Variants in ZNF232 observed in about 807,000 individuals in gnomAD.
ZNF232 encodes the protein zinc finger and SCAN domain-containing protein 11.
In ZNF232, 25 loss-of-function variants were observed where a neutral mutation model predicts 25.2. That is an observed-to-expected ratio of 0.99 (90% CI 0.72 to 1.39). The LOEUF (loss-of-function observed/expected upper bound fraction) is 1.39. Ranked by LOEUF, ZNF232 falls within the 40% of genes most tolerant of loss-of-function variation. ZNF232 has a pLI of 0.00. For missense variants in ZNF232, 519 were observed against 520.9 expected (o/e 1.00, Z 0.04); for synonymous variants, 193 against 182.9 (o/e 1.06, Z -0.45).
Position 5,109,419 on chromosome 17 carries a change from TCTAAATC to T in ZNF232, c.466_472del (p.Asp156ArgfsTer36). 6.2e-7 allele frequency: 1 copy of T among 1,613,928 alleles called. No individual in the cohort carries two copies. Among genetic ancestry groups the T allele is most frequent in the South Asian group, 1.1e-5 (1 of 91,058 alleles). ...CTGCGGCTCTGGTTCAAGTCCTTTC[TCTAAATC>T]CTCCAGCACAGTCACAGCCTCCTCT... On this transcript the variant is annotated frameshift_variant, in exon 2 of 4. Coordinates refer to ENST00000575898, the Ensembl canonical transcript of ZNF232. LOFTEE classifies it high-confidence loss of function.
chr17:5,107,114 C>T (rs376561742), intron 3 of ZNF232, among the ~76,000 whole-genome samples: 79 of 150,810 alleles, frequency 5.2e-4, no homozygotes, highest in Non-Finnish European at 6.7e-4. Flanking sequence ...TGTTGCCGGG[C>T]GTGGTGGCTC....
At chr17:5,112,191 G>T (rs527667716), upstream of ZNF232, 2 of 342,718 alleles carry the variant, frequency 5.8e-6, no homozygotes, top group Middle Eastern at 8.5e-4. Flanking sequence ...CTGGCGGACA[G>T]ATGTCAGGGA....
At chr17:5,109,984 G>T in intron 1 of ZNF232, 116 bp from the exon 2 acceptor site, 2 of 1,007,794 alleles carry the variant, frequency 2.0e-6, no homozygotes, top group Admixed American at 3.0e-5. Context: ...CCACCCCCGG[G>T]GTTCTAGCGA....
chr17:5,106,140 A>G, exon 4 of ZNF232: 2 of 1,614,122 alleles, frequency 1.2e-6, no homozygotes, highest in Non-Finnish European at 1.7e-6. Flanking sequence ...GCTCTGTTTG[A>G]AAGTTTTCCC....
At chr17:5,106,146 T>C (rs748216506) in exon 4 of ZNF232, 1 of 1,614,224 alleles carries the variant, frequency 6.2e-7, no homozygotes. Flanking sequence ...TTTGAAAGTT[T>C]TCCCACAGTC....
At chr17:5,120,948 CAG>C (rs1338092351) in intron 1 of ZNF232, among the ~76,000 whole-genome samples, 1 of 152,134 alleles carries the variant, frequency 6.6e-6, no homozygotes, top group East Asian at 1.9e-4. Flanking sequence ...ATGTGAGGCT[CAG>C]AGAGGACTCA....
At chr17:5,108,025 G>GAA (rs561138317) in intron 3 of ZNF232, among the ~76,000 whole-genome samples, 3 of 152,120 alleles carry the variant, frequency 2.0e-5, no homozygotes, top group Non-Finnish European at 4.4e-5. Context: ...AAAAAGTCTG[G>GAA]AAAAAAGTCA....
chr17:5,115,258 C>G (rs1205497102), upstream of ZNF232, among the ~76,000 whole-genome samples: 1 of 151,952 alleles, frequency 6.6e-6, no homozygotes, highest in Non-Finnish European at 1.5e-5. Context: ...TATTTCGAAA[C>G]AAGGAACAGA....
upstream of ZNF232, chr17:5,116,467 G>C (rs958514224): frequency 3.3e-5 from 5 of 152,324 alleles, no homozygotes; most frequent in African/African-American, 1.2e-4. Context: ...TCTGAGGGGC[G>C]TCTACCTGGA....
upstream of ZNF232, chr17:5,116,653 A>G (rs1478990393): frequency 1.3e-5 from 2 of 152,252 alleles, no homozygotes; most frequent in African/African-American, 4.8e-5. Context: ...CTGAACAGGA[A>G]GGAACTGGGA....
chr17:5,111,918 T>A (rs1239725562), upstream of ZNF232: 28 of 1,527,672 alleles, frequency 1.8e-5, no homozygotes, highest in Non-Finnish European at 2.2e-5. Context: ...ACTCCCAGAA[T>A]CCTCCTCGCC....
intron 2 of ZNF232, 93 bp downstream of exon 2, chr17:5,109,301 T>C: frequency 1.3e-6 from 2 of 1,496,354 alleles, no homozygotes; most frequent in East Asian, 4.5e-5. Context: ...CCAAGAGAGG[T>C]TTGAACTTGG....
At chr17:5,119,084 C>G (rs1172680265) in intron 1 of ZNF232, among the ~76,000 whole-genome samples, 1 of 152,174 alleles carries the variant, frequency 6.6e-6, no homozygotes, top group Non-Finnish European at 1.5e-5. Flanking sequence ...AACTTCATGT[C>G]CTGCCTCTAT....
At chr17:5,105,836 C>T (rs147321283) in exon 4 of ZNF232, 41 of 1,584,940 alleles carry the variant, frequency 2.6e-5, no homozygotes, top group Non-Finnish European at 3.2e-5. Flanking sequence ...AATGGGAAGG[C>T]TCTTTTCTGG....
intron 1 of ZNF232, among the ~76,000 whole-genome samples, chr17:5,120,289 G>T (rs775636612): frequency 2.6e-5 from 4 of 152,130 alleles, no homozygotes; most frequent in Non-Finnish European, 5.9e-5. Flanking sequence ...AGGCAGTGGT[G>T]GGGGCAAGGT....
intron 3 of ZNF232, among the ~76,000 whole-genome samples, chr17:5,108,213 C>T (rs1322383747): frequency 1.3e-5 from 2 of 152,168 alleles, no homozygotes; most frequent in African/African-American, 4.8e-5. Flanking sequence ...GTAGACTCTT[C>T]TTGGTTAGCC....
At chr17:5,109,580 G>C in exon 2 of ZNF232, 4 of 1,614,232 alleles carry the variant, frequency 2.5e-6, no homozygotes, top group Non-Finnish European at 3.4e-6. Flanking sequence ...GCCACTCACA[G>C]CAGAGTACTC....
upstream of ZNF232, among the ~76,000 whole-genome samples, chr17:5,115,828 TCCCGGGGACACAG>T (rs1320467053): frequency 6.6e-6 from 1 of 152,072 alleles, no homozygotes; most frequent in African/African-American, 2.4e-5. Flanking sequence ...CGGTCCAGCC[TCCCGGGGACACAG>T]CCCGGGCGCA....
At chr17:5,118,447 C>T (rs879383916) in intron 1 of ZNF232, among the ~76,000 whole-genome samples, 24 of 152,354 alleles carry the variant, frequency 1.6e-4, no homozygotes, top group South Asian at 8.3e-4. Flanking sequence ...TTGGGGTCTG[C>T]GGTGCTGCCC....
Sources: allele counts gnomAD v4.1 joint callset (sites outside exome capture counted in the v4.1 genomes callset), GRCh38; gene constraint gnomAD v4.1.1; transcripts MANE v1.5; gene names NCBI Gene and HGNC (gene_info 2026-07-23, HGNC 2026-07-21).